Variants in ASB4 observed in about 807,000 individuals in gnomAD.
ASB4 encodes the protein ankyrin repeat and SOCS box protein 4.
Under a neutral mutation model 38.6 loss-of-function variants are expected in ASB4, and 35 were observed. The ratio of observed to expected loss-of-function variants is 0.91; its 90% CI spans 0.69 to 1.20. The LOEUF is 1.20. Ranked by LOEUF, ASB4 falls within the 50% of genes most tolerant of loss-of-function variation. The pLI is 0.00. For missense variants in ASB4, 557 were observed against 527.2 expected (o/e 1.06, Z -0.55); for synonymous variants, 195 against 201.3 (o/e 0.97, Z 0.26).
In ASB4 at chr7:95,527,898, G is replaced by A. The variant is rs200311462; in HGVS notation, c.573G>A (p.Val191=). 1.9e-6 allele frequency: 3 copies of A among 1,614,066 alleles called. No individual in the cohort carries two copies. The Admixed American group carries it at 5.0e-5, about 27-fold the overall frequency. ...TAAHFGLSEL[V]AFYVEHGAIV... Reference sequence around the variant, plus strand: ...CCCACTTCGGCCTTTCGGAGCTGGTGGCCTTCTACGTGGAACACGGGGCCA... The same window carrying A: ...CCCACTTCGGCCTTTCGGAGCTGGTAGCCTTCTACGTGGAACACGGGGCCA... Residue 191 remains valine, a synonymous_variant, in exon 3 of 5, where the codon GTG becomes GTA. Transcript: ENST00000325885.
At chr7:95,488,371 A>AT (rs1478389162) in intron 1 of ASB4, among the ~76,000 whole-genome samples, 2 of 152,120 alleles carry the variant, frequency 1.3e-5, no homozygotes, top group Admixed American at 6.5e-5. Flanking sequence ...GTTTCTTCCA[A>AT]TTTTTTTCAC....
At chr7:95,541,699 G>A (rs1584101163), downstream of ASB4, among the ~76,000 whole-genome samples, 1 of 152,206 alleles carries the variant, frequency 6.6e-6, no homozygotes, top group Non-Finnish European at 1.5e-5. Flanking sequence ...ATTTTACTAT[G>A]GAAAAATTTA....
Position 95,486,165 on chromosome 7 carries a change from A to G in ASB4, c.187+7A>G, listed in dbSNP as rs1790087803. 5 of 1,609,462 alleles carry G rather than the reference A, an allele frequency of 3.1e-6. No individual in the cohort carries two copies. The highest frequency in any genetic ancestry group is 4.2e-6 in the Non-Finnish European group (5 of 1,176,680). ...TTGGCATCTTATAAACAAGGTAAAA[A>G]CATATAGGTGTTATTGTAGAACTGT... On this transcript the variant is annotated splice_region_variant and intron_variant, in intron 1 of 4. Transcript: ENST00000325885.
chr7:95,515,263 CTTTCTCTT>C (rs1356710731), intron 2 of ASB4, among the ~76,000 whole-genome samples: 37 of 115,822 alleles, frequency 3.2e-4, no homozygotes, highest in South Asian at 2.4e-3. Flanking sequence ...TTCTTTCTTT[CTTTCTCTT>C]TCTTTCTTTC....
chr7:95,483,717 C>T (rs570207362), upstream of ASB4, among the ~76,000 whole-genome samples: 13 of 152,232 alleles, frequency 8.5e-5, no homozygotes, highest in African/African-American at 2.2e-4. Flanking sequence ...AAGTTACACA[C>T]GGGCAGGGAT....
chr7:95,504,396 G>A (rs1790380594), intron 2 of ASB4, among the ~76,000 whole-genome samples: 1 of 152,192 alleles, frequency 6.6e-6, no homozygotes, highest in Admixed American at 6.5e-5. Flanking sequence ...AACATGGTAA[G>A]GCAAGATGTC....
At chr7:95,513,559 C>T (rs1562816384) in intron 2 of ASB4, among the ~76,000 whole-genome samples, 1 of 152,084 alleles carries the variant, frequency 6.6e-6, no homozygotes, top group Non-Finnish European at 1.5e-5. Flanking sequence ...CTGTTTTTAA[C>T]TCAAAGTTTG....
intron 2 of ASB4, among the ~76,000 whole-genome samples, chr7:95,509,443 A>G (rs737902): frequency 0.8 from 121,203 of 152,144 alleles, 48,974 homozygotes; most frequent in East Asian, 0.99. Context: ...TTAATCCTCT[A>G]TTCCAAACTA....
At chr7:95,472,331 G>C in the ASB4 span, among the ~76,000 whole-genome samples, 1 of 152,122 alleles carries the variant, frequency 6.6e-6, no homozygotes, top group Non-Finnish European at 1.5e-5. Flanking sequence ...TTAGACGAAT[G>C]ATCTGTTGCC....
rs199528876 is a variant in ASB4 at position 95,493,361 on chromosome 7, AGTGTGTGTGTGT to A, written c.188-2378_188-2367del. Among the ~76,000 whole-genome samples, 10 of 120,702 alleles carry A rather than the reference AGTGTGTGTGTGT, an allele frequency of 8.3e-5. No individual in the cohort carries two copies. The East Asian group carries it at 2.3e-3, about 28-fold the overall frequency. The allele number at this position is 120,702 out of a possible 152,430, so 79.2% of individuals were successfully genotyped here. On this transcript the variant is annotated intron_variant, in intron 1 of 4. Coordinates refer to ENST00000325885, the MANE Select transcript of ASB4 (RefSeq NM_016116.3). ...CTGAATGGAGTAAAAAAGAGATGAAAGTGTGTGTGTGTGTGTGTGTGTGTGTGTGTATGTGTG... is the reference window on the plus strand; with the variant it reads ...CTGAATGGAGTAAAAAAGAGATGAAAGTGTGTGTGTGTGTGTGTATGTGTG...
the ASB4 span, among the ~76,000 whole-genome samples, chr7:95,550,879 C>G: frequency 1.3e-5 from 2 of 152,260 alleles, no homozygotes; most frequent in East Asian, 3.9e-4. Flanking sequence ...CTTTCCAACC[C>G]CTTCCCCAAA....
chr7:95,493,647 C>A (rs1585796966), intron 1 of ASB4, among the ~76,000 whole-genome samples: 1 of 152,052 alleles, frequency 6.6e-6, no homozygotes, highest in African/African-American at 2.4e-5. Context: ...TGGTATGTTA[C>A]CTCCTTGTAA....
At chr7:95,515,235 C>CTTTCTT (rs1562817078) in intron 2 of ASB4, among the ~76,000 whole-genome samples, 93 of 75,434 alleles carry the variant, frequency 1.2e-3, no homozygotes, top group Middle Eastern at 0.014. Flanking sequence ...CTTTCTTTTT[C>CTTTCTT]TTTCTTTCTT....
chr7:95,477,656 A>G (rs1230712523), upstream of ASB4, among the ~76,000 whole-genome samples: 1 of 151,998 alleles, frequency 6.6e-6, no homozygotes, highest in African/African-American at 2.4e-5. Context: ...TAATTATGCA[A>G]TTTTGTGCAA....
intron 2 of ASB4, among the ~76,000 whole-genome samples, chr7:95,522,846 A>AT (rs1376361847): frequency 6.6e-6 from 1 of 152,172 alleles, no homozygotes; most frequent in Non-Finnish European, 1.5e-5. Flanking sequence ...AGAAAATTTA[A>AT]TTTTTTATCT....
chr7:95,490,311 C>T (rs1790153092), intron 1 of ASB4, among the ~76,000 whole-genome samples: 1 of 152,164 alleles, frequency 6.6e-6, no homozygotes, highest in Non-Finnish European at 1.5e-5. Context: ...TCCTGCTTTC[C>T]CATTTCCATC....
chr7:95,513,354 ATTTAT>A (rs1790512421), intron 2 of ASB4, among the ~76,000 whole-genome samples: 1 of 125,554 alleles, frequency 8.0e-6, no homozygotes, highest in Non-Finnish European at 1.6e-5. Context: ...GAATGGAATG[ATTTAT>A]TTTAAGGAAT....
intron 2 of ASB4, among the ~76,000 whole-genome samples, chr7:95,506,059 A>C (rs370231750): frequency 2.6e-5 from 4 of 151,970 alleles, no homozygotes; most frequent in South Asian, 4.2e-4. Flanking sequence ...TGCCTGGCTA[A>C]TTTTTAAAAA....
At chr7:95,513,967 A>G (rs1459343467) in intron 2 of ASB4, among the ~76,000 whole-genome samples, 1 of 152,128 alleles carries the variant, frequency 6.6e-6, no homozygotes, top group Non-Finnish European at 1.5e-5. Flanking sequence ...CCAGTCCAAA[A>G]TCACCCTCAC....
Sources: gnomAD v4.1 joint callset for allele counts (sites outside exome capture counted in the v4.1 genomes callset) on GRCh38, gnomAD v4.1.1 for gene constraint, MANE v1.5 for transcripts, NCBI Gene and HGNC (gene_info 2026-07-23, HGNC 2026-07-21) for gene names.